Variants in ZNF717 observed in about 807,000 individuals in gnomAD.
ZNF717 encodes the protein krueppel-like factor X17.
ZNF717 carries 9 observed loss-of-function variants against 13.8 expected under a neutral mutation model. That is an observed-to-expected ratio of 0.65 (90% CI 0.39 to 1.14). The LOEUF (loss-of-function observed/expected upper bound fraction) is 1.14. ZNF717 is among the 50% of genes most tolerant of loss of function. The pLI is 0.01. For synonymous variants in ZNF717, 327 were observed against 364.1 expected (o/e 0.90, Z 1.16); for missense variants, 1,040 against 1,080.7 (o/e 0.96, Z 0.53).
intron 2 of ZNF717, among the ~76,000 whole-genome samples, chr3:75,746,553 G>C (rs1277725386): frequency 6.6e-6 from 1 of 152,114 alleles, no homozygotes; most frequent in Non-Finnish European, 1.5e-5. Context: ...GTTGTTTCCT[G>C]ACTTTTTAAT....
At position 75,738,330 on chromosome 3, in the gene ZNF717, T is replaced by G; in HGVS notation, c.1293A>C (p.Ala431=). The change falls in exon 5 of 5, where the codon GCA becomes GCC. Residue 431 remains alanine (A), a synonymous_variant. Transcript: ENST00000652011. ...KPYACDHCEE[A]FSHKSRLTVH... is the part of the protein sequence containing the mutation. ...CAGTAAGCCTTGACTTATGGCTAAA[T>G]GCTTCTTCACAATGGTCACATGCAT... 6.5e-7 allele frequency: 1 copy of G among 1,537,800 alleles called. No individual in the cohort carries two copies. The highest frequency in any genetic ancestry group is 2.5e-5 in the East Asian group (1 of 40,054).
intron 6 of ZNF717, among the ~76,000 whole-genome samples, chr3:75,702,530 TAGAA>T: frequency 1.3e-5 from 2 of 152,318 alleles, no homozygotes; most frequent in South Asian, 4.2e-4. Context: ...AAACAATTGT[TAGAA>T]AGAACGAATA....
Position 75,738,421 on chromosome 3 carries a change from C to G in ZNF717, c.1202G>C (p.Gly401Ala). ...GEKPYQCSEC[G>A]KTFSQKSYLT... ...GTATGACTTCTGGCTAAAGGTTTTTCCACATTCACTACACTGATAGGGCTT... is the reference window on the plus strand; with the variant it reads ...GTATGACTTCTGGCTAAAGGTTTTTGCACATTCACTACACTGATAGGGCTT... The change falls in exon 5 of 5, where the codon GGA (glycine) becomes GCA (alanine). Residue 401 changes from glycine (G) to alanine (A), a missense_variant. Gly to Ala is a moderately conservative substitution (Grantham distance 60, BLOSUM62 0). Coordinates refer to ENST00000652011, the MANE Select transcript of ZNF717 (RefSeq NM_001290208.3). The G allele has an allele frequency of 5.2e-6, 8 of 1,531,208 alleles. No individual in the cohort carries two copies. In the South Asian group the frequency reaches 8.4e-5, roughly 16 times the overall value. 94.9% of individuals were successfully genotyped at this position (1,531,208 alleles called of 1,614,324 possible).
chr3:75,748,284 T>A (rs1439759849), intron 2 of ZNF717, among the ~76,000 whole-genome samples: 1 of 152,170 alleles, frequency 6.6e-6, no homozygotes. Context: ...GTACCATTCC[T>A]TCTGAAACTA....
chr3:75,720,459 G>C (rs1190978731), intron 4 of ZNF717, among the ~76,000 whole-genome samples: 1 of 152,008 alleles, frequency 6.6e-6, no homozygotes, highest in Non-Finnish European at 1.5e-5. Context: ...CGTAAACATG[G>C]GAACAATAGA....
chr3:75,755,045 C>T (rs1252746410), intron 2 of ZNF717, among the ~76,000 whole-genome samples: 1 of 152,126 alleles, frequency 6.6e-6, no homozygotes, highest in Non-Finnish European at 1.5e-5. Context: ...ATGGAAAATT[C>T]AAAATGTTGA....
intron 6 of ZNF717, among the ~76,000 whole-genome samples, chr3:75,697,500 C>A (rs62246496): frequency 2.0e-5 from 3 of 151,006 alleles, no homozygotes; most frequent in South Asian, 2.1e-4. Flanking sequence ...ACAACTTGCA[C>A]CTCTGTTTTT....
At position 75,737,150 on chromosome 3, in the gene ZNF717, G is replaced by A; in HGVS notation, c.2473C>T (p.Gln825Ter). The A allele has an allele frequency of 6.4e-7, 1 of 1,561,516 alleles. No individual in the cohort carries two copies. The highest frequency in any genetic ancestry group is 1.2e-5 in the South Asian group (1 of 85,038). The change falls in exon 5 of 5, where the codon CAG (glutamine) becomes TAG (stop). Residue 825 changes from glutamine to a stop codon, truncating the protein, a stop_gained. Transcript: ENST00000652011. LOFTEE classifies it low-confidence loss of function (END_TRUNC). ...TGATGTACAAAGAGTTTTGACTTCT[G>A]GGAGAAGGTTTTCCTACATTCTTTA... Reference protein sequence around the residue: ...ECKECRKTFSQKSKLFVHHRT... With the variant: ...ECKECRKTFS
chr3:75,695,781 A>G (rs1343165153), intron 6 of ZNF717, among the ~76,000 whole-genome samples: 5 of 152,214 alleles, frequency 3.3e-5, no homozygotes, highest in Non-Finnish European at 7.4e-5. Flanking sequence ...AACAAATGAT[A>G]ATGGAAACAG....
chr3:75,755,601 TTTTC>T (rs1942400765), intron 2 of ZNF717, among the ~76,000 whole-genome samples: 1 of 152,160 alleles, frequency 6.6e-6, no homozygotes, highest in Admixed American at 6.5e-5. Context: ...GAATCAGGTG[TTTTC>T]TTTGTTAAGC....
chr3:75,713,679 C>G lies in ZNF717; in HGVS notation n.668-2363G>C, dbSNP rs1378231905. Among the ~76,000 whole-genome samples the G allele has an allele frequency of 1.6e-4, 25 of 152,058 alleles. 1 individual carries two copies. The South Asian group carries it at 5.0e-3, about 30-fold the overall frequency. ...AAATTATGACTAATAATGTAGGGAC[C>G]AGCCCCACAGGGTCTGTGGGTTTTT... On this transcript the variant is annotated intron_variant and non_coding_transcript_variant, in intron 5 of 5. Transcript: ENST00000491507.
At chr3:75,764,824 AT>A (rs1943305033) in intron 2 of ZNF717, among the ~76,000 whole-genome samples, 1 of 152,032 alleles carries the variant, frequency 6.6e-6, no homozygotes, top group Non-Finnish European at 1.5e-5. Context: ...CAAAAAAAAA[AT>A]AAAATGACCA....
intron 6 of ZNF717, among the ~76,000 whole-genome samples, chr3:75,700,387 C>A (rs1937666998): frequency 6.6e-6 from 1 of 151,090 alleles, no homozygotes; most frequent in African/African-American, 2.4e-5. Context: ...AGTGAGACAC[C>A]ATCGAAAAAA....
At chr3:75,780,512 C>A (rs1944731719) in intron 2 of ZNF717, among the ~76,000 whole-genome samples, 2 of 149,754 alleles carry the variant, frequency 1.3e-5, no homozygotes, top group Admixed American at 1.3e-4. Flanking sequence ...TCAGGCCATT[C>A]TGCCTCAGCC....
chr3:75,699,237 C>T (rs1326265494), intron 6 of ZNF717, among the ~76,000 whole-genome samples: 2 of 152,290 alleles, frequency 1.3e-5, no homozygotes, highest in African/African-American at 2.4e-5. Context: ...TTAGATGAGA[C>T]TTTTGACTTT....
chr3:75,701,425 T>A, intron 6 of ZNF717, among the ~76,000 whole-genome samples: 1 of 152,426 alleles, frequency 6.6e-6, no homozygotes. Flanking sequence ...AATCTCACCA[T>A]TTTGGGAAGC....
In ZNF717 at chr3:75,759,250, G is replaced by A. The variant is rs142587692; in HGVS notation, c.58-17514C>T. ...TACACTTAAAAAAAAAACTTAAGAG[G>A]GTATATTTTAGGTGAAATGGTCATC... is the stretch of plus-strand genomic sequence containing the variant. On this transcript the variant is annotated intron_variant, in intron 2 of 4. Coordinates refer to ENST00000652011, the MANE Select transcript of ZNF717 (RefSeq NM_001290208.3). Among the ~76,000 whole-genome samples, 417 of 150,504 alleles carry A rather than the reference G, an allele frequency of 2.8e-3. 15 individuals carry two copies. In the East Asian group the frequency reaches 0.071, roughly 26 times the overall value.
At chr3:75,730,666 A>G (rs1938477440) in intron 5 of ZNF717, 3 of 699,674 alleles carry the variant, frequency 4.3e-6, no homozygotes, top group Non-Finnish European at 7.8e-6. Flanking sequence ...TGGTACCTGA[A>G]TCCATCAGAC....
rs200732985 is a variant in ZNF717 at position 75,783,319 on chromosome 3, T to C, written c.44A>G (p.Lys15Arg). The change falls in exon 2 of 5, where the codon AAG becomes AGG. Residue 15 changes from lysine to arginine, a missense_variant. Lys to Arg is a conservative substitution (Grantham distance 26). This residue lies in a region of ZNF717 where 123 missense variants were observed against 177.8 expected (regional missense o/e 0.69). Coordinates refer to ENST00000652011, the MANE Select transcript of ZNF717 (RefSeq NM_001290208.3). ...TAAACAACTCACCAGAGATTTATTC[T>C]TTTCTTGTAGCTCTTGGAAACAGCC... is the stretch of plus-strand genomic sequence containing the variant. Reference protein sequence around the residue: ...FSGCFQELQEKNKSLELVSFE... With the variant: ...FSGCFQELQERNKSLELVSFE... 1.6e-3 allele frequency: 2,538 copies of C among 1,550,714 alleles called. 7 individuals carry two copies. Among genetic ancestry groups the C allele is most frequent in the Admixed American group, 2.4e-3 (121 of 50,972 alleles).
Sources: gnomAD v4.1 joint callset for allele counts (sites outside exome capture counted in the v4.1 genomes callset) on GRCh38, gnomAD v4.1.1 for gene constraint, gnomAD v4.1.1 regional missense constraint, MANE v1.5 for transcripts, NCBI Gene and HGNC (gene_info 2026-07-23, HGNC 2026-07-21) for gene names.